The following TNS1 variants were observed in gnomAD, a reference collection of about 807,000 sequenced individuals.
TNS1 encodes the protein tensin 1, also known as tensin-1.
Under a neutral mutation model 168.6 loss-of-function variants are expected in TNS1, and 62 were observed. That is an observed-to-expected ratio of 0.37 (90% confidence interval 0.30 to 0.45). The LOEUF (loss-of-function observed/expected upper bound fraction) is 0.45, where lower values mean the gene tolerates loss of function less well. Ranked by LOEUF, TNS1 falls within the 20% of genes least tolerant of loss-of-function variation. The pLI, the probability that TNS1 is intolerant of heterozygous loss-of-function variation, is 1.00. For missense variants in TNS1, 2,240 were observed against 2,339.4 expected (o/e 0.96, Z 0.88); for synonymous variants, 934 against 933.2 (o/e 1.00, Z -0.02).
chr2:217,873,534 G>A (rs529504922), intron 18 of TNS1, among the ~76,000 whole-genome samples: 2 of 152,290 alleles, frequency 1.3e-5, no homozygotes, highest in Admixed American at 1.3e-4. Context: ...CAGGAGTGCT[G>A]ACTTTTTACT....
intron 19 of TNS1, among the ~76,000 whole-genome samples, chr2:217,838,076 C>T (rs561307554): frequency 1.3e-5 from 2 of 152,334 alleles, no homozygotes; most frequent in East Asian, 3.9e-4. Flanking sequence ...GGGAGACGCT[C>T]TTGGGGTTTG....
At chr2:217,911,326 G>T (rs1954381736) in intron 4 of TNS1, among the ~76,000 whole-genome samples, 2 of 152,228 alleles carry the variant, frequency 1.3e-5, no homozygotes, top group Admixed American at 1.3e-4. Flanking sequence ...CTGCTCTAGA[G>T]TCCCAAAACC....
intron 11 of TNS1, among the ~76,000 whole-genome samples, chr2:217,891,661 T>A (rs1225590862): frequency 1.3e-5 from 2 of 152,146 alleles, no homozygotes; most frequent in Non-Finnish European, 2.9e-5. Context: ...TCCAGTGACT[T>A]CCCATCACTC....
At chr2:217,963,796 C>T (rs573847961) in intron 3 of TNS1, among the ~76,000 whole-genome samples, 2 of 147,812 alleles carry the variant, frequency 1.4e-5, no homozygotes, top group East Asian at 3.9e-4. Context: ...CTAATCCTAG[C>T]ACTTTGGAAG....
chr2:217,996,507 C>T (rs1958473488), intron 1 of TNS1, among the ~76,000 whole-genome samples: 1 of 152,148 alleles, frequency 6.6e-6, no homozygotes, highest in South Asian at 2.1e-4. Flanking sequence ...AAATCCCCCA[C>T]CCCCATGCCC....
At chr2:217,840,255 T>G (rs2571452) in intron 19 of TNS1, among the ~76,000 whole-genome samples, 76,409 of 152,084 alleles carry the variant, frequency 0.5, 21,223 homozygotes, top group African/African-American at 0.77. Context: ...CAGCCTCCAG[T>G]GTCAGAGGAG....
intron 22 of TNS1, among the ~76,000 whole-genome samples, chr2:217,824,810 C>T (rs527312520): frequency 3.3e-5 from 5 of 152,260 alleles, no homozygotes; most frequent in African/African-American, 4.8e-5. Context: ...CATGGCTACA[C>T]CCAGGTCCCC....
chr2:217,886,789 A>G (rs1559302532), intron 12 of TNS1, 143 bp from the exon 13 acceptor site: 3 of 672,332 alleles, frequency 4.5e-6, no homozygotes, highest in Non-Finnish European at 8.0e-6. Context: ...CTCCCCAACC[A>G]GGCCTCCCTC....
intron 4 of TNS1, among the ~76,000 whole-genome samples, 180 bp downstream of exon 4, chr2:217,920,014 AG>A (rs1955551359): frequency 6.6e-6 from 1 of 152,222 alleles, no homozygotes; most frequent in South Asian, 2.1e-4. Flanking sequence ...TCTCATCAGA[AG>A]GGACCTCATG....
At chr2:217,930,177 G>A (rs1477398938) in intron 3 of TNS1, among the ~76,000 whole-genome samples, 1 of 152,196 alleles carries the variant, frequency 6.6e-6, no homozygotes, top group Non-Finnish European at 1.5e-5. Context: ...CTGAGCTAGG[G>A]GCTATCAGTC....
At chr2:217,902,374 G>A (rs1232576606) in intron 6 of TNS1, among the ~76,000 whole-genome samples, 1 of 152,182 alleles carries the variant, frequency 6.6e-6, no homozygotes, top group Non-Finnish European at 1.5e-5. Context: ...ACAACTGGAA[G>A]CCACAACGGT....
chr2:218,014,692 T>C (rs1377724438), upstream of TNS1, among the ~76,000 whole-genome samples: 1 of 152,224 alleles, frequency 6.6e-6, no homozygotes, highest in African/African-American at 2.4e-5. Flanking sequence ...GAACTGTTTC[T>C]TGTTGATACA....
intron 31 of TNS1, 38 bp from the exon 32 acceptor site, chr2:217,808,145 C>T (rs772178866): frequency 1.2e-6 from 2 of 1,610,154 alleles, no homozygotes; most frequent in South Asian, 1.1e-5. Flanking sequence ...AATCATCGTA[C>T]TTTCTCCCTA....
At chr2:217,870,670 G>A in intron 18 of TNS1, among the ~76,000 whole-genome samples, 1 of 152,178 alleles carries the variant, frequency 6.6e-6, no homozygotes, top group East Asian at 1.9e-4. Context: ...CTCTGAGCGT[G>A]GCTCCGGCCT....
intron 7 of TNS1, among the ~76,000 whole-genome samples, chr2:217,900,189 T>C (rs1952794148): frequency 6.6e-6 from 1 of 152,152 alleles, no homozygotes; most frequent in African/African-American, 2.4e-5. Context: ...CCAAAGGGAA[T>C]AAAATACGTA....
rs534679715 is a variant in TNS1 at position 217,891,049 on chromosome 2, C to T, written c.783-4G>A. On this transcript the variant is annotated splice_region_variant and splice_polypyrimidine_tract_variant and intron_variant, in intron 11 of 32. Coordinates refer to ENST00000682258, the MANE Select transcript of TNS1 (RefSeq NM_001387777.1). ...CCGGTCCAGAGCCTGGTCCGCACTG[C>T]AGGGAGAGACAGGTGGTCAAAAGAG... 2 of 1,614,166 alleles carry T rather than the reference C, an allele frequency of 1.2e-6. No homozygotes were observed. Among genetic ancestry groups the T allele is most frequent in the African/African-American group, 1.3e-5 (1 of 75,058 alleles).
intron 3 of TNS1, among the ~76,000 whole-genome samples, chr2:217,946,296 T>C (rs1240236071): frequency 6.6e-6 from 1 of 152,204 alleles, no homozygotes; most frequent in East Asian, 1.9e-4. Context: ...CGCCCTGACA[T>C]GCAGTGGGTC....
At chr2:217,976,191 C>G (rs145270492) in intron 3 of TNS1, among the ~76,000 whole-genome samples, 45 of 152,286 alleles carry the variant, frequency 3.0e-4, no homozygotes, top group African/African-American at 1.0e-3. Context: ...CCTGTCTCCC[C>G]TATTAGATTG....
chr2:217,861,055 AAG>A (rs1226753939), intron 18 of TNS1, among the ~76,000 whole-genome samples: 3 of 152,204 alleles, frequency 2.0e-5, no homozygotes, highest in Non-Finnish European at 4.4e-5. Context: ...TGCAAATAAT[AAG>A]AGAGTCAGGT....
Sources: allele counts gnomAD v4.1 joint callset (sites outside exome capture counted in the v4.1 genomes callset), GRCh38; gene constraint gnomAD v4.1.1; transcripts MANE v1.5; gene names NCBI Gene and HGNC (gene_info 2026-07-23, HGNC 2026-07-21).